Variants in APBA2 observed in about 807,000 individuals in gnomAD.
APBA2 encodes amyloid-beta A4 precursor protein-binding family A member 2.
Under a neutral mutation model 75.0 loss-of-function variants are expected in APBA2, and 30 were observed. The ratio of observed to expected loss-of-function variants is 0.40; its 90% CI spans 0.30 to 0.54. APBA2 has a LOEUF of 0.54. APBA2 is among the 20% of genes least tolerant of loss of function. APBA2 has a pLI of 0.49. For missense variants in APBA2, 801 were observed against 1,016.1 expected (o/e 0.79, Z 2.88); for synonymous variants, 444 against 409.6 (o/e 1.08, Z -1.01).
rs2041363552 is a variant in APBA2, at chr15:29,046,918, T to G, written c.-40-6927T>G. ...CCCGTTCCCATCTAAGACATTCACC[T>G]CATCAGGCATCTCTCCTGGACCATT... On this transcript the variant is annotated intron_variant, in intron 3 of 14. Coordinates refer to ENST00000683413, the MANE Select transcript of APBA2 (RefSeq NM_001353788.2). The surrounding 1 kb of genome is among the most constrained non-coding windows in gnomAD (Gnocchi z 5.0). Among the ~76,000 whole-genome samples, 1 of 152,220 alleles carries G rather than the reference T, an allele frequency of 6.6e-6. No homozygotes were observed. The highest frequency in any genetic ancestry group is 6.5e-5 in the Admixed American group (1 of 15,284).
At chr15:29,019,784 A>G (rs1279059691) in intron 3 of APBA2, among the ~76,000 whole-genome samples, 1 of 152,210 alleles carries the variant, frequency 6.6e-6, no homozygotes, top group Non-Finnish European at 1.5e-5. Flanking sequence ...TTGTTTCCTA[A>G]TGTTTGCTGT....
At chr15:29,085,060 T>G (rs543496416) in intron 6 of APBA2, among the ~76,000 whole-genome samples, 1 of 152,208 alleles carries the variant, frequency 6.6e-6, no homozygotes, top group African/African-American at 2.4e-5. Flanking sequence ...TAGTAATTGA[T>G]TAGAAGTTGC....
At chr15:28,979,028 T>G (rs1055758516) in intron 2 of APBA2, among the ~76,000 whole-genome samples, 5 of 152,164 alleles carry the variant, frequency 3.3e-5, no homozygotes, top group African/African-American at 1.2e-4. Flanking sequence ...GTCCCCAGGG[T>G]TGCAGCAATA....
At chr15:29,058,957 C>T (rs2042019169) in intron 4 of APBA2, among the ~76,000 whole-genome samples, 1 of 152,140 alleles carries the variant, frequency 6.6e-6, no homozygotes, top group African/African-American at 2.4e-5. Context: ...AACAAAGTAC[C>T]ATTTGATCCT....
At chr15:28,906,194 TA>T (rs890712463) in intron 1 of APBA2, among the ~76,000 whole-genome samples, 2 of 152,294 alleles carry the variant, frequency 1.3e-5, no homozygotes, top group African/African-American at 4.8e-5. Context: ...TATTCTTTTT[TA>T]AAAAAAATTT....
intron 8 of APBA2, among the ~76,000 whole-genome samples, chr15:29,096,399 T>A (rs1233582265): frequency 6.6e-6 from 1 of 152,190 alleles, no homozygotes; most frequent in Non-Finnish European, 1.5e-5. Flanking sequence ...TCCACAATTG[T>A]CACTAATGCC....
intron 2 of APBA2, among the ~76,000 whole-genome samples, chr15:28,939,539 TTTTTC>T (rs2035069499): frequency 6.6e-6 from 1 of 152,204 alleles, no homozygotes; most frequent in Non-Finnish European, 1.5e-5. Context: ...ATTTTTTTTG[TTTTTC>T]TTTTCTTTCT....
intron 2 of APBA2, among the ~76,000 whole-genome samples, chr15:28,944,776 A>G (rs778607420): frequency 2.7e-4 from 41 of 152,322 alleles, no homozygotes; most frequent in Non-Finnish European, 5.1e-4. Context: ...AAAGAACATG[A>G]AATGTGGTTG....
intron 2 of APBA2, among the ~76,000 whole-genome samples, chr15:28,936,974 A>G (rs1363597819): frequency 6.6e-6 from 1 of 152,206 alleles, no homozygotes; most frequent in African/African-American, 2.4e-5. Flanking sequence ...CGAAATGGGC[A>G]TAATAGAAAT....
chr15:29,091,076 G>T (rs955900129), intron 6 of APBA2, among the ~76,000 whole-genome samples: 2 of 152,140 alleles, frequency 1.3e-5, no homozygotes, highest in South Asian at 2.1e-4. Flanking sequence ...GAGAATCCCG[G>T]TGTACCCTCT....
intron 13 of APBA2, among the ~76,000 whole-genome samples, chr15:29,109,251 A>G (rs953786823): frequency 6.6e-6 from 1 of 152,122 alleles, no homozygotes; most frequent in African/African-American, 2.4e-5. Context: ...AATCTTCTCC[A>G]TTGTTTTCTG....
intron 2 of APBA2, among the ~76,000 whole-genome samples, chr15:28,946,119 G>C (rs937638290): frequency 2.6e-5 from 4 of 152,196 alleles, no homozygotes; most frequent in Non-Finnish European, 5.9e-5. Flanking sequence ...TTGCAGATAG[G>C]ATTCCAATTT....
intron 2 of APBA2, among the ~76,000 whole-genome samples, chr15:28,923,246 C>T (rs750595976): frequency 6.6e-6 from 1 of 152,112 alleles, no homozygotes; most frequent in Non-Finnish European, 1.5e-5. Context: ...CTGCCCACTC[C>T]CCATAGATTA....
intron 3 of APBA2, among the ~76,000 whole-genome samples, chr15:29,048,280 A>G (rs545090569): frequency 1.3e-5 from 2 of 152,330 alleles, no homozygotes; most frequent in South Asian, 4.1e-4. Flanking sequence ...CCCAGGAGGC[A>G]GAGACTGCCG....
intron 1 of APBA2, among the ~76,000 whole-genome samples, chr15:28,900,092 G>T (rs933573843): frequency 1.3e-5 from 2 of 152,134 alleles, no homozygotes; most frequent in Non-Finnish European, 2.9e-5. Flanking sequence ...CAGACAGGGG[G>T]ACTGGGCCGT....
At chr15:28,939,933 A>G (rs902608833) in intron 2 of APBA2, among the ~76,000 whole-genome samples, 2 of 152,236 alleles carry the variant, frequency 1.3e-5, no homozygotes, top group Non-Finnish European at 1.5e-5. Context: ...CCACGGAGGC[A>G]GCTGAGGGGC....
At chr15:29,068,449 C>A (rs1209324637) in intron 4 of APBA2, among the ~76,000 whole-genome samples, 1 of 152,236 alleles carries the variant, frequency 6.6e-6, no homozygotes, top group East Asian at 1.9e-4. Context: ...TCTCCCTGGG[C>A]CGGTCTCAGC....
chr15:28,944,144 A>T (rs1209611216), intron 2 of APBA2, among the ~76,000 whole-genome samples: 1 of 152,180 alleles, frequency 6.6e-6, no homozygotes, highest in Non-Finnish European at 1.5e-5. Flanking sequence ...GATGGCTGCG[A>T]CTGCTTTCAG....
chr15:28,898,757 G>C (rs984338432), intron 1 of APBA2, among the ~76,000 whole-genome samples: 5 of 152,152 alleles, frequency 3.3e-5, no homozygotes, highest in Non-Finnish European at 7.3e-5. Context: ...AATTTGAATG[G>C]AATGAGTCAT....
Sources: allele counts gnomAD v4.1 joint callset (sites outside exome capture counted in the v4.1 genomes callset), GRCh38; gene constraint gnomAD v4.1.1; non-coding constraint Gnocchi (gnomAD v3.1); transcripts MANE v1.5; gene names NCBI Gene and HGNC (gene_info 2026-07-23, HGNC 2026-07-21).